PHACTR2: variants seen among roughly 807,000 people sequenced by gnomAD.
PHACTR2 encodes the protein phosphatase and actin regulator 2, also known as chromosome 6 open reading frame 56.
In PHACTR2, 30 loss-of-function variants were observed where a neutral mutation model predicts 76.0. The ratio of observed to expected loss-of-function variants is 0.39; its 90% CI spans 0.30 to 0.54. The LOEUF is 0.54. PHACTR2 is among the 20% of genes least tolerant of loss of function. The pLI is 0.61. For synonymous variants in PHACTR2, 292 were observed against 292.5 expected, an observed-to-expected ratio of 1.00 and a Z score of 0.02; for missense variants, 696 against 781.1, an observed-to-expected ratio of 0.89 and a Z score of 1.30.
Position 143,679,193 on chromosome 6 carries a change from A to G in PHACTR2, c.46+984A>G, listed in dbSNP as rs1457476087. Among the ~76,000 whole-genome samples the G allele has an allele frequency of 1.3e-5, 2 of 152,192 alleles. No individual in the cohort carries two copies. Among genetic ancestry groups the G allele is most frequent in the African/African-American group, 4.8e-5 (2 of 41,456 alleles). On this transcript the variant is annotated intron_variant, in intron 1 of 12. Coordinates refer to ENST00000440869, the MANE Select transcript of PHACTR2 (RefSeq NM_001100164.2). This position sits in a 1 kb window ranked among gnomAD's most constrained non-coding sequence, Gnocchi z 4.6. ...GCCTCAGGATGTCTAGCTAGATAGC[A>G]TTCTGTCATTCCAACCCCCCACCCC...
In PHACTR2 at chr6:143,542,827, G is replaced by A. The variant is rs1359625807; in HGVS notation, c.217+5620G>A. Among the ~76,000 whole-genome samples the A allele has an allele frequency of 2.0e-5, 3 of 152,196 alleles. 1 individual carries two copies. Among genetic ancestry groups the A allele is most frequent in the Non-Finnish European group, 4.4e-5 (3 of 68,032 alleles). The stretch of plus-strand genomic sequence containing the variant: ...GATCATATGCCCCATAGGTGCCTCT[G>A]GATTTGTTGCCTTTGATCAGATACT... On this transcript the variant is annotated intron_variant, in intron 1 of 11. Transcript: ENST00000367584.
rs1228448164 is a variant in PHACTR2 at position 143,618,235 on chromosome 6, C to T, written c.13+9913C>T. On this transcript the variant is annotated intron_variant, in intron 1 of 11. Coordinates refer to the PHACTR2 transcript ENST00000305766. The surrounding 1 kb of genome is among the most constrained non-coding windows in gnomAD (Gnocchi z 5.2). ...AGTGATAGAGAAATAGGTCCTGTTC[C>T]ACCTTGTACTTCCTGCTCCAAACAC... Among the ~76,000 whole-genome samples, 3 of 148,898 alleles carry T rather than the reference C, an allele frequency of 2.0e-5. No homozygotes were observed. The highest frequency in any genetic ancestry group is 7.5e-5 in the African/African-American group (3 of 40,188).
chr6:143,543,326 T>C lies in PHACTR2; in HGVS notation c.217+6119T>C, dbSNP rs1781188746. Among the ~76,000 whole-genome samples, 1 of 152,226 alleles carries C rather than the reference T, an allele frequency of 6.6e-6. No homozygotes were observed. The highest frequency in any genetic ancestry group is 1.5e-5 in the Non-Finnish European group (1 of 68,040). ...TGAAGATGCTGTAGGCAAGGGCATA[T>C]CTTGATTTTTCATTTCTTCTTTCAA... On this transcript the variant is annotated intron_variant, in intron 1 of 11. Coordinates refer to the PHACTR2 transcript ENST00000367584. The surrounding 1 kb of genome is among the most constrained non-coding windows in gnomAD (Gnocchi z 4.7).
rs1232765786 is a variant in PHACTR2, at chr6:143,664,433, C to A, written c.14-47583C>A. On this transcript the variant is annotated intron_variant, in intron 1 of 11. Transcript: ENST00000305766. The surrounding 1 kb of genome is among the most constrained non-coding windows in gnomAD (Gnocchi z 5.1). The stretch of plus-strand genomic sequence containing the variant: ...TACTAATTTGGACTTACATTGCCAT[C>A]TTAATTTGTGTCATCTTTTTAAGCA... 6.6e-6 allele frequency among the ~76,000 whole-genome samples: 1 copy of A among 152,086 alleles called. No individual in the cohort carries two copies. The highest frequency in any genetic ancestry group is 1.5e-5 in the Non-Finnish European group (1 of 68,004).
At chr6:143,788,699 C>A in intron 10 of PHACTR2, 74 bp from the exon 11 acceptor site, 2 of 1,146,146 alleles carry the variant, frequency 1.7e-6, no homozygotes, top group Middle Eastern at 3.2e-4. Context: ...TTGAAGTGTT[C>A]TCTATAGAAA....
chr6:143,722,419 T>A lies in PHACTR2; in HGVS notation c.214+10236T>A, dbSNP rs544265786. Among the ~76,000 whole-genome samples the A allele has an allele frequency of 6.6e-6, 1 of 152,268 alleles. No homozygotes were observed. Among genetic ancestry groups the A allele is most frequent in the East Asian group, 1.9e-4 (1 of 5,184 alleles). Reference sequence around the variant, plus strand: ...TCTCTTGAATTCAACTTTAAGATTCTCTTCAATAGGCCAATTTGGTGAGCA... The same window carrying A: ...TCTCTTGAATTCAACTTTAAGATTCACTTCAATAGGCCAATTTGGTGAGCA... On this transcript the variant is annotated intron_variant, in intron 2 of 12. Transcript: ENST00000440869. The surrounding 1 kb of genome is among the most constrained non-coding windows in gnomAD (Gnocchi z 4.1).
At chr6:143,810,346 G>A (rs755538347) in intron 12 of PHACTR2, among the ~76,000 whole-genome samples, 6 of 151,876 alleles carry the variant, frequency 4.0e-5, no homozygotes, top group Admixed American at 1.3e-4. Flanking sequence ...TAGGTTTCTG[G>A]GCATATACAT....
rs1470296457 is a variant in PHACTR2, at chr6:143,684,210, C to T, written c.46+6001C>T. 1.6e-4 allele frequency among the ~76,000 whole-genome samples: 25 copies of T among 152,110 alleles called. 1 individual carries two copies. Among genetic ancestry groups the T allele is most frequent in the Admixed American group, 1.6e-3 (24 of 15,266 alleles). On this transcript the variant is annotated intron_variant, in intron 1 of 12. Transcript: ENST00000440869. The surrounding 1 kb of genome is among the most constrained non-coding windows in gnomAD (Gnocchi z 4.3). ...TTTGACAGGTCTGCTTGAAAACTTG[C>T]TGGGCATCCCAGAGGTAACATGGAT...
intron 1 of PHACTR2, among the ~76,000 whole-genome samples, chr6:143,551,634 T>C (rs1486007881): frequency 1.3e-5 from 2 of 152,080 alleles, no homozygotes; most frequent in African/African-American, 2.4e-5. Context: ...GGGTTGAACA[T>C]AGGGACCTCC....
Position 143,803,651 on chromosome 6 carries a change from A to G in PHACTR2, c.1846-3406A>G, listed in dbSNP as rs1347750780. 6.6e-6 allele frequency among the ~76,000 whole-genome samples: 1 copy of G among 152,194 alleles called. No homozygotes were observed. On this transcript the variant is annotated intron_variant, in intron 11 of 12. Transcript: ENST00000440869. This position sits in a 1 kb window ranked among gnomAD's most constrained non-coding sequence, Gnocchi z 4.7. The stretch of plus-strand genomic sequence containing the variant: ...TTGGAAAAATCAGATTCATCGAACG[A>G]TTTTTTGGCCAACAACTGTTTGAGA...
rs1400827180 is a variant in PHACTR2, at chr6:143,696,820, C to T, written c.47-15196C>T. 1.3e-5 allele frequency among the ~76,000 whole-genome samples: 2 copies of T among 152,168 alleles called. No homozygotes were observed. Among genetic ancestry groups the T allele is most frequent in the Non-Finnish European group, 2.9e-5 (2 of 68,032 alleles). ...AATACCTAAGTGTCAGCCCTCTCTC[C>T]ACTTGTGTTTGCTCCCCTTAGGGTA... On this transcript the variant is annotated intron_variant, in intron 1 of 12. Coordinates refer to ENST00000440869, the MANE Select transcript of PHACTR2 (RefSeq NM_001100164.2). The surrounding 1 kb of genome is among the most constrained non-coding windows in gnomAD (Gnocchi z 4.1).
rs1295052013 is a variant in PHACTR2 at position 143,585,744 on chromosome 6, C to T, written c.217+48537C>T. On this transcript the variant is annotated intron_variant, in intron 1 of 11. Coordinates refer to the PHACTR2 transcript ENST00000367584. The surrounding 1 kb of genome is among the most constrained non-coding windows in gnomAD (Gnocchi z 5.2). ...AATGAACTCTGTGAGCAATTTTGTC[C>T]CCCAGCTCCTCAAAATGATGTGGGA... Among the ~76,000 whole-genome samples, 3 of 152,170 alleles carry T rather than the reference C, an allele frequency of 2.0e-5. No homozygotes were observed. The highest frequency in any genetic ancestry group is 7.2e-5 in the African/African-American group (3 of 41,428).
Position 143,780,242 on chromosome 6 carries a change from A to G in PHACTR2, c.1645+2859A>G, listed in dbSNP as rs1481358510. 1.3e-5 allele frequency among the ~76,000 whole-genome samples: 2 copies of G among 152,144 alleles called. No homozygotes were observed. The highest frequency in any genetic ancestry group is 2.9e-5 in the Non-Finnish European group (2 of 68,022). Reference sequence around the variant, plus strand: ...TCTGTCATTAACATCTTGCTTTATGACATATCTATGCATCTGTTGATCCAG... The same window carrying G: ...TCTGTCATTAACATCTTGCTTTATGGCATATCTATGCATCTGTTGATCCAG... On this transcript the variant is annotated intron_variant, in intron 9 of 12. Coordinates refer to ENST00000440869, the MANE Select transcript of PHACTR2 (RefSeq NM_001100164.2). This position sits in a 1 kb window ranked among gnomAD's most constrained non-coding sequence, Gnocchi z 4.4.
intron 11 of PHACTR2, among the ~76,000 whole-genome samples, chr6:143,790,541 C>T (rs1234592748): frequency 1.3e-5 from 2 of 152,122 alleles, no homozygotes; most frequent in African/African-American, 2.4e-5. Context: ...TTTCATATGC[C>T]TATTGGGCAT....
chr6:143,572,082 T>C (rs981244317), intron 1 of PHACTR2, among the ~76,000 whole-genome samples: 2 of 152,258 alleles, frequency 1.3e-5, no homozygotes, highest in African/African-American at 4.8e-5. Context: ...TCTGTTTTAC[T>C]CTTTCTTGCT....
At chr6:143,613,426 G>T (rs1309139782) in intron 1 of PHACTR2, among the ~76,000 whole-genome samples, 1 of 152,144 alleles carries the variant, frequency 6.6e-6, no homozygotes, top group African/African-American at 2.4e-5. Context: ...AAACATAAAA[G>T]TACTGTGAAA....
intron 1 of PHACTR2, among the ~76,000 whole-genome samples, chr6:143,614,202 A>G (rs983289886): frequency 1.4e-4 from 22 of 152,186 alleles, no homozygotes; most frequent in African/African-American, 5.3e-4. Context: ...AGCCTGGGTG[A>G]CAGAGTGAGA....
intron 2 of PHACTR2, among the ~76,000 whole-genome samples, chr6:143,728,202 TTTTTTTTTTCTTTC>T (rs1475071139): frequency 8.6e-6 from 1 of 115,890 alleles, no homozygotes; most frequent in African/African-American, 4.2e-5. Flanking sequence ...TTTCTTTCCT[TTTTTTTTTTCTTTC>T]TTTTTTTTTT....
At chr6:143,603,826 G>A (rs1582692684), upstream of PHACTR2, among the ~76,000 whole-genome samples, 1 of 152,022 alleles carries the variant, frequency 6.6e-6, no homozygotes, top group African/African-American at 2.4e-5. Context: ...CAGCTGGGTG[G>A]GGTGGCTCAT....
Sources: allele counts gnomAD v4.1 joint callset (sites outside exome capture counted in the v4.1 genomes callset), GRCh38; gene constraint gnomAD v4.1.1; non-coding constraint Gnocchi (gnomAD v3.1); transcripts MANE v1.5; gene names NCBI Gene and HGNC (gene_info 2026-07-23, HGNC 2026-07-21).